The following STK24 variants were observed in gnomAD, a reference collection of about 807,000 sequenced individuals.
The protein encoded by STK24 is serine/threonine kinase 24, also known as serine/threonine-protein kinase 24.
STK24 carries 21 observed loss-of-function variants against 55.6 expected under a neutral mutation model. The ratio of observed to expected loss-of-function variants is 0.38; its 90% CI spans 0.27 to 0.54. The LOEUF is 0.54. Ranked by LOEUF, STK24 falls within the 20% of genes least tolerant of loss-of-function variation. The pLI is 0.79. For missense variants in STK24, 383 were observed against 538.4 expected (o/e 0.71, Z 2.86); for synonymous variants, 200 against 215.2 (o/e 0.93, Z 0.62).
intron 10 of STK24, chr13:98,455,854 A>G (rs1390065348): frequency 6.6e-6 from 1 of 152,160 alleles, no homozygotes; most frequent in African/African-American, 2.4e-5. Context: ...TAACAATCCT[A>G]CCCGTTTCTG....
At chr13:98,478,489 G>A (rs1894467598) in intron 3 of STK24, among the ~76,000 whole-genome samples, 1 of 152,228 alleles carries the variant, frequency 6.6e-6, no homozygotes, top group Non-Finnish European at 1.5e-5. Flanking sequence ...GACAATGGCT[G>A]AAGACCAAGG....
At chr13:98,492,736 G>C (rs1895088717) in intron 2 of STK24, among the ~76,000 whole-genome samples, 1 of 152,206 alleles carries the variant, frequency 6.6e-6, no homozygotes, top group South Asian at 2.1e-4. Context: ...AACTCATACT[G>C]TACTAAATAC....
intron 2 of STK24, among the ~76,000 whole-genome samples, chr13:98,484,379 C>T (rs567254908): frequency 2.6e-5 from 4 of 152,336 alleles, no homozygotes; most frequent in Admixed American, 1.3e-4. Context: ...GTTTCACTGG[C>T]TCCCATCCCT....
chr13:98,537,249 T>C (rs1432337146), intron 1 of STK24, among the ~76,000 whole-genome samples: 3 of 152,218 alleles, frequency 2.0e-5, no homozygotes, highest in Non-Finnish European at 4.4e-5. Context: ...TGGGTGAGGC[T>C]GCTGGGATGG....
At chr13:98,477,443 G>A (rs1271284670) in intron 3 of STK24, among the ~76,000 whole-genome samples, 2 of 152,038 alleles carry the variant, frequency 1.3e-5, no homozygotes, top group Non-Finnish European at 2.9e-5. Context: ...AGGCCGAGGC[G>A]GGTGGATCAC....
At chr13:98,458,948 A>G (rs887936646) in intron 9 of STK24, among the ~76,000 whole-genome samples, 3 of 152,254 alleles carry the variant, frequency 2.0e-5, no homozygotes, top group Non-Finnish European at 4.4e-5. Context: ...TCTTAAAAAT[A>G]CATTGGGAAA....
intron 1 of STK24, among the ~76,000 whole-genome samples, chr13:98,565,698 A>C (rs1263745632): frequency 6.6e-6 from 1 of 152,108 alleles, no homozygotes; most frequent in Non-Finnish European, 1.5e-5. Flanking sequence ...CACCATCCAA[A>C]ACAACACAGT....
rs544756745 is a variant in STK24 at position 98,536,082 on chromosome 13, G to A, written c.43-16609C>T. ...GCCTCGAAGGGGAAATTCCTGGAAT[G>A]GAGGTGCGAAGGTCATAGACAAGGT... On this transcript the variant is annotated intron_variant, in intron 1 of 10. Coordinates refer to ENST00000539966, the MANE Select transcript of STK24 (RefSeq NM_001032296.4). 2.1e-3 allele frequency among the ~76,000 whole-genome samples: 318 copies of A among 152,336 alleles called. 3 individuals are homozygous for A. The highest frequency in any genetic ancestry group is 7.3e-3 in the African/African-American group (302 of 41,582).
chr13:98,522,368 C>T (rs1333784813), intron 1 of STK24, among the ~76,000 whole-genome samples: 2 of 152,184 alleles, frequency 1.3e-5, no homozygotes, highest in African/African-American at 4.8e-5. Context: ...ACAGAACCAC[C>T]TAGGACATCT....
intron 2 of STK24, among the ~76,000 whole-genome samples, chr13:98,500,948 T>A (rs1383552415): frequency 2.6e-5 from 4 of 152,228 alleles, no homozygotes; most frequent in African/African-American, 9.6e-5. Context: ...CTTTTCTTAC[T>A]ACATCTGATG....
At chr13:98,552,046 G>C (rs546465524) in intron 1 of STK24, among the ~76,000 whole-genome samples, 1 of 152,254 alleles carries the variant, frequency 6.6e-6, no homozygotes, top group South Asian at 2.1e-4. Context: ...GTACGATAGT[G>C]AACAATCCTT....
chr13:98,446,920 C>T lies in STK24; in HGVS notation c.*6253G>A. The T allele has an allele frequency of 7.9e-7, 1 of 1,265,488 alleles. No individual in the cohort carries two copies. The allele number at this position is 1,265,488 out of a possible 1,614,324, so 78.4% of individuals were successfully genotyped here. On this transcript the variant is annotated 3_prime_UTR_variant, in exon 11 of 11. Transcript: ENST00000539966. Reference sequence around the variant, plus strand: ...AGCGAGTGAGATGGCCCCACCCTTCCCTGCCAACTAAGCGTTTAGACCTGG... The same window carrying T: ...AGCGAGTGAGATGGCCCCACCCTTCTCTGCCAACTAAGCGTTTAGACCTGG...
intron 1 of STK24, among the ~76,000 whole-genome samples, chr13:98,550,502 C>T (rs1449367047): frequency 6.6e-6 from 1 of 152,202 alleles, no homozygotes; most frequent in Non-Finnish European, 1.5e-5. Context: ...GCACTCCAGC[C>T]TGGGTGAGGA....
chr13:98,449,295 G>A lies in STK24; in HGVS notation c.*3878C>T, dbSNP rs1893066614. On this transcript the variant is annotated 3_prime_UTR_variant, in exon 11 of 11. Coordinates refer to ENST00000539966, the MANE Select transcript of STK24 (RefSeq NM_001032296.4). The stretch of plus-strand genomic sequence containing the variant: ...GTGGTTTGAAACTGCGCATTCTCTA[G>A]TAGTATATATCGTGCCTGTCTTCAA... The A allele has an allele frequency of 1.3e-5, 2 of 152,206 alleles. No individual in the cohort carries two copies. The highest frequency in any genetic ancestry group is 4.8e-5 in the African/African-American group (2 of 41,434). The allele number at this position is 152,206 out of a possible 1,614,324, so 9.4% of individuals were successfully genotyped here.
intron 1 of STK24, among the ~76,000 whole-genome samples, chr13:98,560,915 A>C (rs1039228273): frequency 8.5e-5 from 13 of 152,074 alleles, no homozygotes; most frequent in South Asian, 2.1e-4. Flanking sequence ...AAAAAAAAAA[A>C]AAACCATAAT....
At chr13:98,521,143 G>C (rs1358059273) in intron 1 of STK24, among the ~76,000 whole-genome samples, 1 of 152,186 alleles carries the variant, frequency 6.6e-6, no homozygotes, top group Non-Finnish European at 1.5e-5. Flanking sequence ...TACAGTTTTA[G>C]CCATGATCCC....
intron 1 of STK24, among the ~76,000 whole-genome samples, chr13:98,556,091 C>T (rs1295655279): frequency 6.6e-6 from 1 of 152,170 alleles, no homozygotes; most frequent in Non-Finnish European, 1.5e-5. Flanking sequence ...ACTCAGGACC[C>T]ACTTCAGGAA....
intron 5 of STK24, among the ~76,000 whole-genome samples, chr13:98,466,982 T>C (rs917043362): frequency 5.9e-5 from 9 of 152,188 alleles, no homozygotes; most frequent in Non-Finnish European, 1.2e-4. Context: ...GGTCTCAAGA[T>C]ACCTGGGTTG....
chr13:98,522,001 CCTCCTCCT>C (rs1896277424), intron 1 of STK24: 1 of 1,436,534 alleles, frequency 7.0e-7, no homozygotes, highest in African/African-American at 1.4e-5. Flanking sequence ...AACCCAAAGC[CCTCCTCCT>C]CCACTCTCTC....
Sources: allele counts gnomAD v4.1 joint callset (sites outside exome capture counted in the v4.1 genomes callset), GRCh38; gene constraint gnomAD v4.1.1; transcripts MANE v1.5; gene names NCBI Gene and HGNC (gene_info 2026-07-23, HGNC 2026-07-21).